The following PCDH15 variants were observed in gnomAD, a reference collection of about 807,000 sequenced individuals.
PCDH15 encodes protocadherin-15.
A neutral mutation model predicts 178.5 loss-of-function variants in PCDH15; 129 were observed. The observed-to-expected ratio is 0.72, with a 90% CI of 0.63 to 0.84. The LOEUF is 0.84. Ranked by LOEUF, PCDH15 falls within the 40% of genes least tolerant of loss-of-function variation. PCDH15 has a pLI of 0.00. For synonymous variants in PCDH15, 800 were observed against 732.0 expected (o/e 1.09, Z -1.50); for missense variants, 2,230 against 2,099.9 (o/e 1.06, Z -1.21).
chr10:55,157,250 A>G (rs1838914824), intron 2 of PCDH15, among the ~76,000 whole-genome samples: 1 of 151,982 alleles, frequency 6.6e-6, no homozygotes, highest in South Asian at 2.1e-4. Context: ...TAAAACCACA[A>G]TGAGATACCA....
At chr10:55,259,621 C>T (rs929491083) in intron 1 of PCDH15, among the ~76,000 whole-genome samples, 1 of 151,976 alleles carries the variant, frequency 6.6e-6, no homozygotes, top group African/African-American at 2.4e-5. Flanking sequence ...AATAGTTTAG[C>T]TAGGCTGGGC....
chr10:53,809,436 T>C, intron 37 of PCDH15: 4 of 1,614,036 alleles, frequency 2.5e-6, no homozygotes, highest in Admixed American at 1.7e-5. Context: ...TCTTCCATGT[T>C]GTGTATGTAG....
At chr10:54,309,802 A>G (rs1331705168) in intron 8 of PCDH15, among the ~76,000 whole-genome samples, 2 of 151,152 alleles carry the variant, frequency 1.3e-5, no homozygotes, top group Non-Finnish European at 3.0e-5. Context: ...CAAAAAAAGA[A>G]AAAAAAAATA....
chr10:54,153,007 T>C, intron 14 of PCDH15, 93 bp downstream of exon 14: 2 of 1,358,494 alleles, frequency 1.5e-6, no homozygotes, highest in Non-Finnish European at 2.1e-6. Flanking sequence ...TAGATGTTTA[T>C]AGGATAAAAG....
chr10:53,804,726 A>G lies in PCDH15; in HGVS notation c.*1853T>C, dbSNP rs1440702185. 6.6e-6 allele frequency: 1 copy of G among 151,976 alleles called. No individual in the cohort carries two copies. Among genetic ancestry groups the G allele is most frequent in the African/African-American group, 2.4e-5 (1 of 41,424 alleles). 9.4% of individuals were successfully genotyped at this position (151,976 alleles called of 1,614,324 possible). A position where few individuals can be genotyped will look rare whatever the true frequency, so the allele number is the denominator to read the frequency against. The stretch of plus-strand genomic sequence containing the variant: ...TAGTAGGGAAATATATGCTTAATCT[A>G]ATTCCTATACAAAGTATCCTATACT... On this transcript the variant is annotated 3_prime_UTR_variant, in exon 38 of 38. Coordinates refer to ENST00000644397, the MANE Select transcript of PCDH15 (RefSeq NM_001384140.1).
chr10:55,381,257 AATGAGG>A (rs1837526763), intron 2 of PCDH15, among the ~76,000 whole-genome samples: 2 of 152,164 alleles, frequency 1.3e-5, no homozygotes, highest in South Asian at 4.1e-4. Flanking sequence ...AGTATCAAAC[AATGAGG>A]ATGTAGAGCT....
intron 2 of PCDH15, among the ~76,000 whole-genome samples, chr10:54,577,848 A>G (rs1483792800): frequency 1.9e-4 from 3 of 16,028 alleles, no homozygotes; most frequent in Non-Finnish European, 8.8e-4. Flanking sequence ...AAGCCTAAAT[A>G]AATGAATAAA....
intron 2 of PCDH15, among the ~76,000 whole-genome samples, chr10:55,032,339 AT>A (rs1840633231): frequency 1.3e-5 from 2 of 152,338 alleles, no homozygotes; most frequent in African/African-American, 2.4e-5. Flanking sequence ...TGACAAAAAA[AT>A]ATCTCTTAGT....
chr10:54,506,876 G>GA (rs1408040380), intron 3 of PCDH15, among the ~76,000 whole-genome samples: 3 of 151,516 alleles, frequency 2.0e-5, no homozygotes, highest in Non-Finnish European at 4.4e-5. Flanking sequence ...ATAACATTTG[G>GA]AAAAAAACAA....
At chr10:55,039,525 A>G (rs1840815797) in intron 2 of PCDH15, among the ~76,000 whole-genome samples, 1 of 152,116 alleles carries the variant, frequency 6.6e-6, no homozygotes, top group Non-Finnish European at 1.5e-5. Context: ...AGGAACAGAG[A>G]TGCTGATAAT....
chr10:53,929,106 ATT>A (rs2084821433), intron 25 of PCDH15, among the ~76,000 whole-genome samples: 1 of 151,682 alleles, frequency 6.6e-6, no homozygotes, highest in Non-Finnish European at 1.5e-5. Context: ...GAAAAGTCTG[ATT>A]ATATATCATT....
chr10:54,171,580 A>C (rs950772168), intron 13 of PCDH15, among the ~76,000 whole-genome samples: 3 of 152,010 alleles, frequency 2.0e-5, no homozygotes, highest in Admixed American at 6.6e-5. Context: ...GCCGGTTTAC[A>C]CTGTTTTTCC....
chr10:54,135,202 CAA>C (rs11299964), intron 14 of PCDH15, among the ~76,000 whole-genome samples: 6 of 118,078 alleles, frequency 5.1e-5, no homozygotes, highest in Admixed American at 9.2e-5. Flanking sequence ...GACTCTGTCT[CAA>C]AAAAAAAAAA....
intron 1 of PCDH15, among the ~76,000 whole-genome samples, chr10:55,204,823 C>T (rs1450143826): frequency 2.6e-5 from 4 of 152,038 alleles, no homozygotes; most frequent in Admixed American, 6.5e-5. Context: ...AACAGTTCTA[C>T]GTGGTGAGTA....
intron 1 of PCDH15, among the ~76,000 whole-genome samples, chr10:54,711,282 A>G (rs1270327450): frequency 2.0e-5 from 3 of 152,012 alleles, no homozygotes; most frequent in South Asian, 2.1e-4. Flanking sequence ...TCATTGCAAC[A>G]TATCAGTAAA....
At chr10:54,800,737 G>C (rs949282898) in intron 1 of PCDH15, among the ~76,000 whole-genome samples, 188 bp downstream of exon 1, 1 of 152,132 alleles carries the variant, frequency 6.6e-6, no homozygotes, top group Non-Finnish European at 1.5e-5. Context: ...TGAAAGGACA[G>C]GCAGTTGTGT....
At chr10:55,371,124 A>C (rs1207052977) in intron 2 of PCDH15, among the ~76,000 whole-genome samples, 1 of 152,138 alleles carries the variant, frequency 6.6e-6, no homozygotes, top group Non-Finnish European at 1.5e-5. Context: ...AAAACAATTT[A>C]AGGAAAGGAC....
Position 55,582,615 on chromosome 10 carries a change from TATA to T in PCDH15, c.-156+45007_-156+45009del, listed in dbSNP as rs1333606608. Among the ~76,000 whole-genome samples the T allele has an allele frequency of 5.4e-4, 52 of 96,598 alleles. 1 individual carries two copies. Among genetic ancestry groups the T allele is most frequent in the African/African-American group, 9.0e-4 (18 of 19,896 alleles). 63.4% of individuals were successfully genotyped at this position (96,598 alleles called of 152,430 possible). The stretch of plus-strand genomic sequence containing the variant: ...GTATGTGTATATATATATATATATA[TATA>T]TATATATATATTTTTTTTTTTTTGC... On this transcript the variant is annotated intron_variant, in intron 2 of 5. Coordinates refer to the PCDH15 transcript ENST00000613346.
chr10:54,534,969 C>G (rs2084319738), intron 2 of PCDH15, among the ~76,000 whole-genome samples: 1 of 152,062 alleles, frequency 6.6e-6, no homozygotes, highest in Non-Finnish European at 1.5e-5. Context: ...TTACAGTCAA[C>G]AAACTAATGG....
Sources: gnomAD v4.1 joint callset for allele counts (sites outside exome capture counted in the v4.1 genomes callset) on GRCh38, gnomAD v4.1.1 for gene constraint, MANE v1.5 for transcripts, NCBI Gene and HGNC (gene_info 2026-07-23, HGNC 2026-07-21) for gene names.